FN1: variants seen among roughly 807,000 people sequenced by gnomAD.
FN1 encodes the protein fibronectin 1.
Under a neutral mutation model 297.3 loss-of-function variants are expected in FN1, and 106 were observed. The observed-to-expected ratio is 0.36, with a 90% CI of 0.30 to 0.42. FN1 has a LOEUF of 0.42. FN1 is among the 10% of genes least tolerant of loss of function. The pLI is 1.00. For missense variants in FN1, 2,690 were observed against 3,124.9 expected (o/e 0.86, Z 3.32); for synonymous variants, 1,149 against 1,152.6 (o/e 1.00, Z 0.06).
intron 26 of FN1, 44 bp downstream of exon 26, chr2:215,391,588 G>A (rs912611957): frequency 6.6e-7 from 1 of 1,526,532 alleles, no homozygotes; most frequent in African/African-American, 1.4e-5. Flanking sequence ...CATTTGCTAT[G>A]CTCTAGGTTA....
At position 215,382,208 on chromosome 2, in the gene FN1, G is replaced by A. The variant is rs750452839; in HGVS notation, c.5164+4C>T. ...AAAATGGAAACCAAGCAGTGGTTACGTACTGGTTACTGCAGTCTGAACCAG... is the reference window on the plus strand; with the variant it reads ...AAAATGGAAACCAAGCAGTGGTTACATACTGGTTACTGCAGTCTGAACCAG... On this transcript the variant is annotated splice_donor_region_variant and intron_variant, in intron 32 of 45. Coordinates refer to ENST00000354785, the MANE Select transcript of FN1 (RefSeq NM_212482.4). The A allele has an allele frequency of 1.6e-5, 25 of 1,595,026 alleles. No homozygotes were observed. Among genetic ancestry groups the A allele is most frequent in the Admixed American group, 3.3e-5 (2 of 59,978 alleles).
At chr2:215,428,410 G>C in intron 5 of FN1, 72 bp from the exon 6 acceptor site, 1 of 1,355,660 alleles carries the variant, frequency 7.4e-7, no homozygotes, top group Admixed American at 1.7e-5. Context: ...CTTAAAAAAG[G>C]AATGCTATCT....
chr2:215,433,227 G>T, intron 3 of FN1, 97 bp downstream of exon 3: 1 of 1,500,348 alleles, frequency 6.7e-7, no homozygotes. Context: ...CTCAAAGTTC[G>T]GAATATCCAG....
Position 215,434,430 on chromosome 2 carries a change from C to A in FN1, c.277+266G>T, listed in dbSNP as rs558359888. ...GCAATTTTTTTTGTCGGAGGACACACAAAATCTTTCATTTTTCTCATCAAA... is the reference window on the plus strand; with the variant it reads ...GCAATTTTTTTTGTCGGAGGACACAAAAAATCTTTCATTTTTCTCATCAAA... On this transcript the variant is annotated intron_variant, in intron 2 of 45. Transcript: ENST00000354785. 8.6e-5 allele frequency among the ~76,000 whole-genome samples: 13 copies of A among 152,028 alleles called. No homozygotes were observed. The South Asian group carries it at 2.3e-3, about 27-fold the overall frequency.
At position 215,386,766 on chromosome 2, in the gene FN1, C is replaced by T; in HGVS notation, c.4535G>A (p.Gly1512Asp). The T allele has an allele frequency of 1.2e-6, 2 of 1,613,862 alleles. No individual in the cohort carries two copies. The highest frequency in any genetic ancestry group is 1.7e-6 in the Non-Finnish European group (2 of 1,179,968). Residue 1512 changes from glycine (G) to aspartate (D), a missense_variant, in exon 28 of 46, where the codon GGC becomes GAC. This residue lies in a region of FN1 where 1,743 missense variants were observed against 1,945.2 expected (regional missense o/e 0.90). Coordinates refer to ENST00000354785, the MANE Select transcript of FN1 (RefSeq NM_212482.4). ...NSITLTNLTP[G>D]TEYVVSIVAL... ...AACGATGCTGACCACATACTCTGTGCCTGGAGTGAGGTTGGTGAGGGTGAT... is the reference window on the plus strand; with the variant it reads ...AACGATGCTGACCACATACTCTGTGTCTGGAGTGAGGTTGGTGAGGGTGAT...
intron 27 of FN1, among the ~76,000 whole-genome samples, 182 bp from the exon 28 acceptor site, chr2:215,387,140 T>A (rs1445061848): frequency 6.6e-6 from 1 of 152,184 alleles, no homozygotes; most frequent in Non-Finnish European, 1.5e-5. Context: ...ATATGAATTT[T>A]AAAATCTTAA....
chr2:215,397,464 ATTC>A (rs758351215), intron 22 of FN1, among the ~76,000 whole-genome samples: 1 of 152,188 alleles, frequency 6.6e-6, no homozygotes, highest in Non-Finnish European at 1.5e-5. Context: ...GTTCATAAAT[ATTC>A]TTGACATGGA....
intron 12 of FN1, among the ~76,000 whole-genome samples, chr2:215,415,322 A>G (rs577201963): frequency 3.3e-5 from 5 of 152,190 alleles, no homozygotes; most frequent in African/African-American, 1.2e-4. Flanking sequence ...CACAGACTTC[A>G]TTTACTTATT....
rs1390228361 is a variant in FN1, at chr2:215,391,760, C to T, written c.4124G>A (p.Arg1375His). 6 of 1,613,994 alleles carry T rather than the reference C, an allele frequency of 3.7e-6. No homozygotes were observed. The highest frequency in any genetic ancestry group is 1.1e-5 in the South Asian group (1 of 91,078). ...GGATGGGGGTGGAGCCCAGGTGACA[C>T]GCATGGTGTCTGGACCAATGTTGGT... is the stretch of plus-strand genomic sequence containing the variant. ...RFTNIGPDTM[R>H]VTWAPPPSID... Residue 1375 changes from arginine (R) to histidine (H), a missense_variant, in exon 26 of 46, where the codon CGT (arginine) becomes CAT (histidine). Around this residue, in one of 3 missense-constraint regions of FN1, gnomAD observed 1,743 missense variants for 1,945.2 expected, o/e 0.90. Transcript: ENST00000354785.
Position 215,392,045 on chromosome 2 carries a change from TA to T in FN1, c.4070-232del, listed in dbSNP as rs1400263256. 1.8e-3 allele frequency: 956 copies of T among 523,556 alleles called. 13 individuals carry two copies. The highest frequency in any genetic ancestry group is 1.2e-3 in the South Asian group (52 of 44,438). 32.4% of individuals were successfully genotyped at this position (523,556 alleles called of 1,614,324 possible). ...ACCTTTTTGCCATCATTGATATATT[TA>T]AAAAAAATTTTAATCTACTTTCAAA... On this transcript the variant is annotated intron_variant, in intron 25 of 45. Transcript: ENST00000354785.
chr2:215,395,809 A>T (rs1038956309), intron 23 of FN1, among the ~76,000 whole-genome samples: 2 of 152,240 alleles, frequency 1.3e-5, no homozygotes, highest in Non-Finnish European at 2.9e-5. Context: ...AGAAATAAAT[A>T]TTGAGATCAT....
chr2:215,381,209 G>A, intron 32 of FN1, 129 bp from the exon 33 acceptor site: 1 of 887,670 alleles, frequency 1.1e-6, no homozygotes, highest in Admixed American at 1.9e-5. Flanking sequence ...ACTATCAAAA[G>A]GAAAAATCAC....
chr2:215,416,642 T>A (rs2063470808), intron 12 of FN1, among the ~76,000 whole-genome samples: 1 of 152,218 alleles, frequency 6.6e-6, no homozygotes, highest in Non-Finnish European at 1.5e-5. Context: ...ATATACACTT[T>A]ATTTAGTCTT....
intron 40 of FN1, 71 bp from the exon 41 acceptor site, chr2:215,370,503 C>A: frequency 7.8e-7 from 1 of 1,288,662 alleles, no homozygotes; most frequent in East Asian, 2.3e-5. Flanking sequence ...TCTCCTCTTA[C>A]CAATAACCCT....
intron 42 of FN1, among the ~76,000 whole-genome samples, chr2:215,365,966 ATTT>A (rs559516647): frequency 0.25 from 22,907 of 89,914 alleles, 1,528 homozygotes; most frequent in East Asian, 0.55. Flanking sequence ...CCACAGTGCT[ATTT>A]TTTTTTTTTT....
intron 40 of FN1, 122 bp from the exon 41 acceptor site, chr2:215,370,554 C>CAAAAAAAAAAAAAAA: frequency 1.3e-5 from 4 of 313,454 alleles, no homozygotes; most frequent in Admixed American, 5.7e-5. Flanking sequence ...AAACAAAAAA[C>CAAAAAAAAAAAAAAA]AAAAAAAAAA....
At chr2:215,412,190 TC>T (rs2062751754) in intron 13 of FN1, among the ~76,000 whole-genome samples, 1 of 79,862 alleles carries the variant, frequency 1.3e-5, no homozygotes, top group Non-Finnish European at 3.0e-5. Context: ...GAATGACTTT[TC>T]TTTTTTTTTT....
intron 42 of FN1, among the ~76,000 whole-genome samples, chr2:215,366,908 T>C (rs2054743158): frequency 6.6e-6 from 1 of 152,254 alleles, no homozygotes; most frequent in Non-Finnish European, 1.5e-5. Context: ...CAGCATGTGA[T>C]GTTTTTAGTG....
At chr2:215,400,384 C>T (rs1306372593) in intron 20 of FN1, among the ~76,000 whole-genome samples, 2 of 152,008 alleles carry the variant, frequency 1.3e-5, no homozygotes, top group Non-Finnish European at 2.9e-5. Flanking sequence ...TATTTTATCA[C>T]CAGAATCAGG....
Sources: allele counts gnomAD v4.1 joint callset (sites outside exome capture counted in the v4.1 genomes callset), GRCh38; gene constraint gnomAD v4.1.1; regional missense constraint gnomAD v4.1.1; transcripts MANE v1.5; gene names NCBI Gene and HGNC (gene_info 2026-07-23, HGNC 2026-07-21).